The following MCF2L variants were observed in gnomAD, a reference collection of about 807,000 sequenced individuals.
MCF2L encodes MCF.2 cell line derived transforming sequence like.
Under a neutral mutation model 153.4 loss-of-function variants are expected in MCF2L, and 97 were observed. That is an observed-to-expected ratio of 0.63 (90% confidence interval 0.54 to 0.75). The LOEUF is 0.75. Among genes scored for constraint, MCF2L ranks in the 30% least tolerant of loss-of-function variants. MCF2L has a pLI of 0.00. For synonymous variants in MCF2L, 659 were observed against 632.2 expected, an observed-to-expected ratio of 1.04 and a Z score of -0.64; for missense variants, 1,347 against 1,495.2, an observed-to-expected ratio of 0.90 and a Z score of 1.64.
At chr13:112,977,525 T>C (rs1218692748) in intron 1 of MCF2L, among the ~76,000 whole-genome samples, 1 of 152,126 alleles carries the variant, frequency 6.6e-6, no homozygotes, top group Non-Finnish European at 1.5e-5. Flanking sequence ...AGGATTAATT[T>C]TTGAAAAATG....
At position 112,940,092 on chromosome 13, in the gene MCF2L, GT is replaced by G. The variant is rs1425312104; in HGVS notation, c.169+37722del. 2.1e-3 allele frequency among the ~76,000 whole-genome samples: 322 copies of G among 151,958 alleles called. 1 individual carries two copies. The highest frequency in any genetic ancestry group is 7.5e-3 in the African/African-American group (310 of 41,362). On this transcript the variant is annotated intron_variant, in intron 2 of 29. Transcript: ENST00000375608. ...TTATCAAGTTTTTATACAACGGGGGGTGGGGGCATCCATATCATTAAGTCGG... is the reference window on the plus strand; with the variant it reads ...TTATCAAGTTTTTATACAACGGGGGGGGGGGCATCCATATCATTAAGTCGG...
intron 2 of MCF2L, chr13:112,957,536 T>TCGCCAGATAGACGCCAGATAGA (rs754953732): frequency 7.9e-5 from 12 of 152,222 alleles, no homozygotes; most frequent in Admixed American, 5.9e-4. Flanking sequence ...CCGCGCCTCC[T>TCGCCAGATAGACGCCAGATAGA]CGCCAGATAG....
upstream of MCF2L, chr13:112,968,695 C>G: frequency 1.4e-6 from 2 of 1,426,398 alleles, no homozygotes; most frequent in Non-Finnish European, 1.8e-6. Flanking sequence ...GCTTCTACAC[C>G]TGCCACGGGG....
At chr13:112,961,137 C>T (rs2081821012) in intron 2 of MCF2L, among the ~76,000 whole-genome samples, 1 of 98,584 alleles carries the variant, frequency 1.0e-5, no homozygotes, top group African/African-American at 3.2e-5. Context: ...CTGTTCTCCA[C>T]GTGTGTCCAT....
Position 113,028,349 on chromosome 13 carries a change from C to T in MCF2L, c.278+3591C>T, listed in dbSNP as rs922248869. On this transcript the variant is annotated intron_variant, in intron 3 of 29. Transcript: ENST00000535094. This position sits in a 1 kb window ranked among gnomAD's most constrained non-coding sequence, Gnocchi z 5.4. Reference sequence around the variant, plus strand: ...TAGGCGGCACGTGTTCATGTGTGCACGCCTCTGTTTATCCGATGTTCTGGA... The same window carrying T: ...TAGGCGGCACGTGTTCATGTGTGCATGCCTCTGTTTATCCGATGTTCTGGA... 6.6e-6 allele frequency among the ~76,000 whole-genome samples: 1 copy of T among 152,196 alleles called. No homozygotes were observed. Among genetic ancestry groups the T allele is most frequent in the Non-Finnish European group, 1.5e-5 (1 of 68,034 alleles).
intron 26 of MCF2L, among the ~76,000 whole-genome samples, chr13:113,091,396 C>A (rs1230481230): frequency 6.6e-6 from 1 of 152,240 alleles, no homozygotes; most frequent in Non-Finnish European, 1.5e-5. Context: ...CAGCCAACTC[C>A]TCACAGCAGG....
At chr13:112,902,371 G>C in exon 2 of MCF2L, 1 of 1,611,788 alleles carries the variant, frequency 6.2e-7, no homozygotes, top group Non-Finnish European at 8.5e-7. Context: ...CATGGCCACA[G>C]GTAGGCGCCT....
chr13:113,021,545 C>T (rs1350879242), intron 2 of MCF2L, among the ~76,000 whole-genome samples: 4 of 152,156 alleles, frequency 2.6e-5, no homozygotes, highest in African/African-American at 9.7e-5. Context: ...CTGTTCTGAA[C>T]CACAGAGGAG....
At chr13:112,979,731 C>T (rs765095769) in intron 1 of MCF2L, 120 of 1,612,148 alleles carry the variant, frequency 7.4e-5, no homozygotes, top group Admixed American at 5.5e-4. Flanking sequence ...CAGGAGGCGC[C>T]GGGGAACTGC....
At chr13:113,041,419 T>C (rs1040471907) in intron 3 of MCF2L, among the ~76,000 whole-genome samples, 1 of 152,092 alleles carries the variant, frequency 6.6e-6, no homozygotes, top group East Asian at 1.9e-4. Context: ...CACGTGGCCC[T>C]GCCCTCATGA....
intron 5 of MCF2L, among the ~76,000 whole-genome samples, chr13:113,061,688 C>A: frequency 8.9e-6 from 1 of 111,788 alleles, no homozygotes. Context: ...GCCCCCTTCC[C>A]CTCCCCTCCC....
chr13:113,052,490 T>C (rs2087415050), intron 4 of MCF2L: 1 of 166,826 alleles, frequency 6.0e-6, no homozygotes, highest in South Asian at 2.1e-4. Context: ...ACTATTTGCC[T>C]GGTTTATTTT....
At chr13:113,087,856 G>T in intron 23 of MCF2L, 57 bp downstream of exon 23, 1 of 1,412,186 alleles carries the variant, frequency 7.1e-7, no homozygotes, top group East Asian at 2.3e-5. Flanking sequence ...GGTTTCTCAT[G>T]GGAACCAGTG....
chr13:113,080,721 G>A (rs1407306423), intron 15 of MCF2L, among the ~76,000 whole-genome samples: 3 of 152,202 alleles, frequency 2.0e-5, no homozygotes, highest in African/African-American at 4.8e-5. Context: ...CAGCTCCGGC[G>A]ATGCCAGACC....
Position 112,904,003 on chromosome 13 carries a change from G to A in MCF2L, c.169+1632G>A, listed in dbSNP as rs949821193. On this transcript the variant is annotated intron_variant, in intron 2 of 29. Coordinates refer to the MCF2L transcript ENST00000375608. This position sits in a 1 kb window ranked among gnomAD's most constrained non-coding sequence, Gnocchi z 4.2. ...ACCTCTGCAACTGGAAGGTTGCTGA[G>A]TCTTCCCGCGCTCAGCTTGGCTGTG... Among the ~76,000 whole-genome samples, 5 of 152,190 alleles carry A rather than the reference G, an allele frequency of 3.3e-5. No individual in the cohort carries two copies. Among genetic ancestry groups the A allele is most frequent in the African/African-American group, 1.2e-4 (5 of 41,440 alleles).
At chr13:112,998,933 C>CTGTG (rs1379808661) in intron 1 of MCF2L, among the ~76,000 whole-genome samples, 5 of 152,322 alleles carry the variant, frequency 3.3e-5, no homozygotes, top group African/African-American at 1.2e-4. Flanking sequence ...GGGTCAAGAG[C>CTGTG]TGTGGGTGGG....
In MCF2L at chr13:113,064,262, C is replaced by G; in HGVS notation, c.490-42C>G. ...ATGGGGCAGCTCTTTTGGGAGCCAA[C>G]AATAATCCCAAACACTACCACGCAT... is the stretch of plus-strand genomic sequence containing the variant. On this transcript the variant is annotated intron_variant, in intron 5 of 29. Coordinates refer to ENST00000535094, the MANE Select transcript of MCF2L (RefSeq NM_001112732.3). The surrounding 1 kb of genome is among the most constrained non-coding windows in gnomAD (Gnocchi z 6.0). 1 of 1,439,398 alleles carries G rather than the reference C, an allele frequency of 6.9e-7. No individual in the cohort carries two copies. Among genetic ancestry groups the G allele is most frequent in the Non-Finnish European group, 9.8e-7 (1 of 1,022,828 alleles). The allele number at this position is 1,439,398 out of a possible 1,614,324, so 89.2% of individuals were successfully genotyped here.
chr13:113,098,191 G>T lies in MCF2L; in HGVS notation c.*1332G>T, dbSNP rs1404781162. ...TCCCAGCCCCAGCACAGTGGAGGCAGGCGTGGCTGCATTCCCCTCACGCTA... is the reference window on the plus strand; with the variant it reads ...TCCCAGCCCCAGCACAGTGGAGGCATGCGTGGCTGCATTCCCCTCACGCTA... On this transcript the variant is annotated 3_prime_UTR_variant, in exon 30 of 30. Transcript: ENST00000535094. 6.6e-6 allele frequency: 1 copy of T among 152,558 alleles called. No homozygotes were observed. The highest frequency in any genetic ancestry group is 1.5e-5 in the Non-Finnish European group (1 of 68,062). The allele number at this position is 152,558 out of a possible 1,614,324, so 9.5% of individuals were successfully genotyped here. A position where few individuals can be genotyped will look rare whatever the true frequency, so the allele number is the denominator to read the frequency against.
intron 1 of MCF2L, among the ~76,000 whole-genome samples, chr13:112,970,264 G>T (rs1178332914): frequency 6.6e-6 from 1 of 152,172 alleles, no homozygotes; most frequent in Non-Finnish European, 1.5e-5. Context: ...ATTACTAGTT[G>T]TCTAACTAGT....
Sources: gnomAD v4.1 joint callset for allele counts (sites outside exome capture counted in the v4.1 genomes callset) on GRCh38, gnomAD v4.1.1 for gene constraint, Gnocchi (gnomAD v3.1) non-coding constraint, MANE v1.5 for transcripts, NCBI Gene and HGNC (gene_info 2026-07-23, HGNC 2026-07-21) for gene names.